BLVRA: variants seen among roughly 807,000 people sequenced by gnomAD.
BLVRA encodes BVR A.
Under a neutral mutation model 32.8 loss-of-function variants are expected in BLVRA, and 22 were observed. That is an observed-to-expected ratio of 0.67 (90% CI 0.48 to 0.96). The LOEUF (loss-of-function observed/expected upper bound fraction) is 0.96. Ranked by LOEUF, BLVRA falls within the 40% of genes least tolerant of loss-of-function variation. The probability of loss-of-function intolerance (pLI) is 0.00; values close to 1 mark genes in which losing one functional copy is unlikely to be tolerated. For missense variants in BLVRA, 323 were observed against 358.1 expected, an observed-to-expected ratio of 0.90 and a Z score of 0.79; for synonymous variants, 119 against 141.3, an observed-to-expected ratio of 0.84 and a Z score of 1.12.
intron 7 of BLVRA, among the ~76,000 whole-genome samples, chr7:43,806,183 G>A (rs1400154056): frequency 6.6e-6 from 1 of 152,140 alleles, no homozygotes; most frequent in Non-Finnish European, 1.5e-5. Flanking sequence ...CGTGGTGGCA[G>A]GTGCCTGTAA....
intron 2 of BLVRA, among the ~76,000 whole-genome samples, chr7:43,775,725 C>T (rs1380547261): frequency 1.3e-5 from 2 of 152,170 alleles, no homozygotes; most frequent in East Asian, 3.9e-4. Flanking sequence ...GTACCAGCTC[C>T]TCCTTGTACC....
chr7:43,792,733 C>T lies in BLVRA; in HGVS notation c.273C>T (p.Gly91=), dbSNP rs1563547828. The T allele has an allele frequency of 1.2e-6, 2 of 1,614,180 alleles. No homozygotes were observed. The highest frequency in any genetic ancestry group is 1.7e-6 in the Non-Finnish European group (2 of 1,180,010). Residue 91 remains glycine (G), a synonymous_variant, in exon 5 of 8, where the codon GGC becomes GGT. Transcript: ENST00000265523. ...EDYIRQFLNA[G]KHVLVEYPMT... is the part of the protein sequence containing the mutation. ...ACCAAAGGCAGTTCCTTAATGCTGG[C>T]AAGCACGTCCTTGTGGAATACCCCA...
chr7:43,785,056 T>TA (rs1168504272), intron 2 of BLVRA, among the ~76,000 whole-genome samples: 1 of 152,204 alleles, frequency 6.6e-6, no homozygotes, highest in East Asian at 1.9e-4. Context: ...AATGAAATCT[T>TA]AAAAAGCAGT....
At chr7:43,769,486 A>C (rs2132549383) in intron 1 of BLVRA, among the ~76,000 whole-genome samples, 1 of 152,300 alleles carries the variant, frequency 6.6e-6, no homozygotes, top group East Asian at 1.9e-4. Context: ...AAAAGGCTCC[A>C]GACTGCAAAA....
intron 2 of BLVRA, among the ~76,000 whole-genome samples, chr7:43,775,458 G>A (rs1207501660): frequency 6.6e-6 from 1 of 152,190 alleles, no homozygotes; most frequent in Non-Finnish European, 1.5e-5. Context: ...ATTTGCATAT[G>A]TTGAACCAGC....
Position 43,787,127 on chromosome 7 carries a change from T to G in BLVRA, c.13-777T>G, listed in dbSNP as rs913559880. On this transcript the variant is annotated intron_variant, in intron 2 of 7. Coordinates refer to ENST00000265523, the MANE Select transcript of BLVRA (RefSeq NM_000712.4). The surrounding 1 kb of genome is among the most constrained non-coding windows in gnomAD (Gnocchi z 4.5). The stretch of plus-strand genomic sequence containing the variant: ...TAGTAGAGACGAGGTTTCTCCATGT[T>G]GGCCAGGCTGGTCTGGAACTCCTGA... Among the ~76,000 whole-genome samples, 2 of 152,060 alleles carry G rather than the reference T, an allele frequency of 1.3e-5. No individual in the cohort carries two copies. Among genetic ancestry groups the G allele is most frequent in the African/African-American group, 2.4e-5 (1 of 41,398 alleles).
At chr7:43,799,338 C>G (rs1012857965) in intron 5 of BLVRA, among the ~76,000 whole-genome samples, 5 of 152,122 alleles carry the variant, frequency 3.3e-5, no homozygotes, top group Non-Finnish European at 7.4e-5. Flanking sequence ...AACTGTAGAT[C>G]ATAACCACAC....
At chr7:43,789,890 T>C (rs2095783461) in intron 3 of BLVRA, among the ~76,000 whole-genome samples, 1 of 151,852 alleles carries the variant, frequency 6.6e-6, no homozygotes, top group East Asian at 1.9e-4. Flanking sequence ...TGTGTGTGTG[T>C]GTGTGTGTGT....
intron 1 of BLVRA, among the ~76,000 whole-genome samples, chr7:43,762,529 C>G (rs2095743440): frequency 6.6e-6 from 1 of 151,614 alleles, no homozygotes; most frequent in Non-Finnish European, 1.5e-5. Context: ...TTGCATCTCT[C>G]CCACGTGCAA....
intron 2 of BLVRA, among the ~76,000 whole-genome samples, chr7:43,774,737 C>A (rs1160000996): frequency 2.0e-5 from 3 of 152,258 alleles, no homozygotes; most frequent in South Asian, 4.1e-4. Flanking sequence ...GGCAGTATGG[C>A]CATTTTCACG....
intron 5 of BLVRA, among the ~76,000 whole-genome samples, chr7:43,799,966 T>G (rs2095796931): frequency 6.6e-6 from 1 of 152,184 alleles, no homozygotes; most frequent in Non-Finnish European, 1.5e-5. Flanking sequence ...TTTTTTCTTT[T>G]TCTTTTTGAA....
Position 43,787,850 on chromosome 7 carries a change from T to C in BLVRA, c.13-54T>C. The C allele has an allele frequency of 1.9e-6, 3 of 1,614,112 alleles. No homozygotes were observed. Among genetic ancestry groups the C allele is most frequent in the Non-Finnish European group, 2.5e-6 (3 of 1,179,992 alleles). On this transcript the variant is annotated intron_variant, in intron 2 of 7. Coordinates refer to ENST00000265523, the MANE Select transcript of BLVRA (RefSeq NM_000712.4). This position sits in a 1 kb window ranked among gnomAD's most constrained non-coding sequence, Gnocchi z 4.5. ...TGCCAGCTCCTTTGTTTTGTAGTTT[T>C]CTGCTCGATGCCTACAGTGTTTTCA... is the stretch of plus-strand genomic sequence containing the variant.
At chr7:43,799,896 C>G (rs2095796801) in intron 5 of BLVRA, among the ~76,000 whole-genome samples, 1 of 152,146 alleles carries the variant, frequency 6.6e-6, no homozygotes, top group Non-Finnish European at 1.5e-5. Flanking sequence ...CAGGTAGATA[C>G]CATCTTGTTC....
At chr7:43,799,776 G>A (rs1024440809) in intron 5 of BLVRA, among the ~76,000 whole-genome samples, 4 of 150,968 alleles carry the variant, frequency 2.6e-5, no homozygotes, top group Admixed American at 6.6e-5. Context: ...GCCTGGGCAC[G>A]TTCTTACTCT....
chr7:43,805,649 A>G (rs938455865), intron 7 of BLVRA, among the ~76,000 whole-genome samples: 5 of 151,112 alleles, frequency 3.3e-5, no homozygotes, highest in African/African-American at 7.3e-5. Context: ...AGCAGTTAAT[A>G]TAATATAATA....
At chr7:43,804,168 G>A (rs991455254) in intron 7 of BLVRA, among the ~76,000 whole-genome samples, 4 of 152,244 alleles carry the variant, frequency 2.6e-5, no homozygotes, top group Middle Eastern at 3.2e-3. Context: ...TTGGCTGGGC[G>A]TGGTGGCTCA....
chr7:43,806,836 C>T, intron 7 of BLVRA, 141 bp from the exon 8 acceptor site: 1 of 890,734 alleles, frequency 1.1e-6, no homozygotes, highest in Non-Finnish European at 1.8e-6. Context: ...CACAGTCACC[C>T]ACAGCCTCTG....
rs137968736 is a variant in BLVRA at position 43,791,360 on chromosome 7, C to G, written c.246C>G (p.Asp82Glu). The stretch of plus-strand genomic sequence containing the variant: ...GCAGTGAGAGCTCCAGCCATGAGGA[C>G]TACATCAGGTGGGTTTTCCACACAG... ...YICSESSSHE[D>E]YIRQFLNAGK... The change falls in exon 4 of 8, where the codon GAC (aspartate) becomes GAG (glutamate). Residue 82 changes from aspartate (D) to glutamate (E), a missense_variant. By Grantham distance (45) the Asp-to-Glu change is conservative. Transcript: ENST00000265523. 2.8e-4 allele frequency: 451 copies of G among 1,614,174 alleles called. No homozygotes were observed. Among genetic ancestry groups the G allele is most frequent in the African/African-American group, 2.0e-3 (151 of 75,062 alleles).
rs946172453 is a variant in BLVRA, at chr7:43,792,583, T to C, written c.255-132T>C. On this transcript the variant is annotated intron_variant, in intron 4 of 7. Coordinates refer to ENST00000265523, the MANE Select transcript of BLVRA (RefSeq NM_000712.4). ...CTCCATATCCCGTGGCACTGACTCCTACCCCCAGTCATGACACATTCACAC... is the reference window on the plus strand; with the variant it reads ...CTCCATATCCCGTGGCACTGACTCCCACCCCCAGTCATGACACATTCACAC... 6 of 855,196 alleles carry C rather than the reference T, an allele frequency of 7.0e-6. No homozygotes were observed. The Admixed American group carries it at 1.2e-4, about 17-fold the overall frequency. The allele number at this position is 855,196 out of a possible 1,614,324, so 53.0% of individuals were successfully genotyped here. A position where few individuals can be genotyped will look rare whatever the true frequency, so the allele number is the denominator to read the frequency against.
Sources: allele counts gnomAD v4.1 joint callset (sites outside exome capture counted in the v4.1 genomes callset), GRCh38; gene constraint gnomAD v4.1.1; non-coding constraint Gnocchi (gnomAD v3.1); transcripts MANE v1.5; gene names NCBI Gene and HGNC (gene_info 2026-07-23, HGNC 2026-07-21).